ANKRD11: variants seen among roughly 807,000 people sequenced by gnomAD.
ANKRD11 encodes ankyrin repeat domain 11, also known as ankyrin repeat domain-containing protein 11.
A neutral mutation model predicts 195.7 loss-of-function variants in ANKRD11; 17 were observed. The observed-to-expected ratio is 0.09, with a 90% confidence interval of 0.06 to 0.13. The LOEUF (loss-of-function observed/expected upper bound fraction) is 0.13, where lower values mean the gene tolerates loss of function less well. Ranked by LOEUF, ANKRD11 falls within the 10% of genes least tolerant of loss-of-function variation. ANKRD11 has a pLI of 1.00. For synonymous variants in ANKRD11, 1,953 were observed against 1,528.1 expected (o/e 1.28, Z -6.49); for missense variants, 3,735 against 3,566.1 (o/e 1.05, Z -1.21).
At chr16:89,370,069 C>G (rs1411011418) in intron 2 of ANKRD11, among the ~76,000 whole-genome samples, 2 of 152,224 alleles carry the variant, frequency 1.3e-5, no homozygotes, top group African/African-American at 2.4e-5. Flanking sequence ...CTTCAGAGCT[C>G]TCACTGAGGA....
chr16:89,364,031 T>C (rs1488756817), intron 2 of ANKRD11, among the ~76,000 whole-genome samples: 1 of 151,954 alleles, frequency 6.6e-6, no homozygotes, highest in Non-Finnish European at 1.5e-5. Context: ...TGCCACTGCA[T>C]TCCTGCCCAG....
At chr16:89,352,884 C>T (rs1642011911) in intron 2 of ANKRD11, among the ~76,000 whole-genome samples, 1 of 152,212 alleles carries the variant, frequency 6.6e-6, no homozygotes, top group Admixed American at 6.5e-5. Flanking sequence ...TCTCTCACGG[C>T]TTGTTCTACT....
At chr16:89,333,528 C>G (rs1199315551) in intron 2 of ANKRD11, among the ~76,000 whole-genome samples, 1 of 152,244 alleles carries the variant, frequency 6.6e-6, no homozygotes, top group Non-Finnish European at 1.5e-5. Flanking sequence ...CCCTCCGTCC[C>G]TCCCTCTCCC....
chr16:89,329,177 C>T (rs1324976813), intron 2 of ANKRD11, among the ~76,000 whole-genome samples: 1 of 152,162 alleles, frequency 6.6e-6, no homozygotes, highest in African/African-American at 2.4e-5. Context: ...GGGAAACAGG[C>T]GGGGACTCCG....
chr16:89,397,389 C>T (rs1286042421), intron 2 of ANKRD11, among the ~76,000 whole-genome samples: 1 of 152,248 alleles, frequency 6.6e-6, no homozygotes, highest in Non-Finnish European at 1.5e-5. Flanking sequence ...CTCAAAGAAG[C>T]TGAAGCTTTC....
intron 1 of ANKRD11, among the ~76,000 whole-genome samples, chr16:89,470,274 A>G (rs1247703542): frequency 1.3e-5 from 2 of 152,120 alleles, no homozygotes; most frequent in Non-Finnish European, 2.9e-5. Flanking sequence ...TAACTTACTC[A>G]TGGTCATAGC....
chr16:89,384,879 CTTTTTTTTTTTT>C lies in ANKRD11; in HGVS notation c.-60+33393_-60+33404del, dbSNP rs869271846. Among the ~76,000 whole-genome samples, 121 of 49,944 alleles carry C rather than the reference CTTTTTTTTTTTT, an allele frequency of 2.4e-3. 4 individuals are homozygous for C. Among genetic ancestry groups the C allele is most frequent in the Middle Eastern group, 0.037 (2 of 54 alleles). 32.8% of individuals were successfully genotyped at this position (49,944 alleles called of 152,430 possible). ...GGAGCACACAATGAGAAATAGTTTTCTTTTTTTTTTTTTTTTTTTTTTTTTTTTGAGACTACG... is the reference window on the plus strand; with the variant it reads ...GGAGCACACAATGAGAAATAGTTTTCTTTTTTTTTTTTTTTTGAGACTACG... On this transcript the variant is annotated intron_variant, in intron 2 of 12. Coordinates refer to ENST00000301030, the MANE Select transcript of ANKRD11 (RefSeq NM_013275.6).
chr16:89,333,341 G>C (rs954251073), intron 2 of ANKRD11, among the ~76,000 whole-genome samples: 1 of 152,222 alleles, frequency 6.6e-6, no homozygotes, highest in Admixed American at 6.5e-5. Flanking sequence ...GTGGCCGTTT[G>C]TTACAGCTGA....
rs374592487 is a variant in ANKRD11, at chr16:89,279,834, G to A, written c.6708C>T (p.Asp2236=). The A allele has an allele frequency of 1.9e-6, 3 of 1,547,510 alleles. No homozygotes were observed. Among genetic ancestry groups the A allele is most frequent in the Non-Finnish European group, 2.6e-6 (3 of 1,148,268 alleles). ...VPEERARGDP[D]SSVEPAPVPP... The stretch of plus-strand genomic sequence containing the variant: ...GAACGGGCGCGGGCTCCACGCTGGA[G>A]TCCGGATCCCCACGGGCCCTCTCTT... Residue 2236 remains aspartate, a synonymous_variant, in exon 9 of 13, where the codon GAC becomes GAT. Coordinates refer to ENST00000301030, the MANE Select transcript of ANKRD11 (RefSeq NM_013275.6). This position sits in a 1 kb window ranked among gnomAD's most constrained non-coding sequence, Gnocchi z 5.6.
In ANKRD11 at chr16:89,281,778, G is replaced by C. The variant is rs1229540199; in HGVS notation, c.4764C>G (p.Ser1588=). ...LMMTSFERML[S]QKDLEIEERH... ...GCTCCTCGATCTCCAGGTCCTTCTG[G>C]GACAGCATCCTCTCGAAGCTGGTCA... Residue 1588 remains serine, a synonymous_variant, in exon 9 of 13, where the codon TCC becomes TCG. Transcript: ENST00000301030. The surrounding 1 kb of genome is among the most constrained non-coding windows in gnomAD (Gnocchi z 5.5). The C allele has an allele frequency of 3.7e-6, 6 of 1,613,780 alleles. No individual in the cohort carries two copies. The African/African-American group carries it at 8.0e-5, about 22-fold the overall frequency.
At chr16:89,479,439 C>T (rs767339760) in intron 1 of ANKRD11, among the ~76,000 whole-genome samples, 37 of 149,906 alleles carry the variant, frequency 2.5e-4, no homozygotes, top group Non-Finnish European at 4.0e-4. Context: ...TTGAGACCAG[C>T]CTGACCAACA....
chr16:89,418,300 A>T lies in ANKRD11; in HGVS notation c.-76T>A. 6.6e-6 allele frequency: 3 copies of T among 454,126 alleles called. No homozygotes were observed. Among genetic ancestry groups the T allele is most frequent in the South Asian group, 4.7e-5 (3 of 64,478 alleles). The allele number at this position is 454,126 out of a possible 1,614,324, so 28.1% of individuals were successfully genotyped here. ...AGTATTTACCGATTCCATAGCTGAA[A>T]GTCAGTGCTGACGAGGACTGTCTTT... is the stretch of plus-strand genomic sequence containing the variant. On this transcript the variant is annotated 5_prime_UTR_variant, in exon 2 of 13. Transcript: ENST00000301030.
In ANKRD11 at chr16:89,363,924, T is replaced by A. The variant is rs184178098; in HGVS notation, c.-59-46846A>T. 8.5e-5 allele frequency among the ~76,000 whole-genome samples: 13 copies of A among 152,190 alleles called. No individual in the cohort carries two copies. In the East Asian group the frequency reaches 2.5e-3, roughly 29 times the overall value. The stretch of plus-strand genomic sequence containing the variant: ...GAAAAAAAAAATTACCCAGGTATGA[T>A]GGCATACATGCCTGCAGTCCCAGCA... On this transcript the variant is annotated intron_variant, in intron 2 of 12. Coordinates refer to ENST00000301030, the MANE Select transcript of ANKRD11 (RefSeq NM_013275.6).
At chr16:89,485,677 A>G (rs2057589734) in intron 1 of ANKRD11, among the ~76,000 whole-genome samples, 6 of 152,212 alleles carry the variant, frequency 3.9e-5, no homozygotes. Context: ...TGCCAATTAC[A>G]TAACAGTTTC....
intron 1 of ANKRD11, among the ~76,000 whole-genome samples, chr16:89,442,595 G>GT (rs2043566008): frequency 6.6e-6 from 1 of 152,150 alleles, no homozygotes; most frequent in Non-Finnish European, 1.5e-5. Context: ...TTCAGGAACG[G>GT]TTTTACGCAT....
intron 1 of ANKRD11, among the ~76,000 whole-genome samples, chr16:89,449,346 C>G (rs1188077855): frequency 6.6e-6 from 1 of 151,938 alleles, no homozygotes; most frequent in African/African-American, 2.4e-5. Flanking sequence ...TCCTGGGTGA[C>G]AGAATGAGAC....
chr16:89,397,078 T>C (rs760387732), intron 2 of ANKRD11, among the ~76,000 whole-genome samples: 1 of 152,160 alleles, frequency 6.6e-6, no homozygotes, highest in African/African-American at 2.4e-5. Flanking sequence ...ATTATTCCTG[T>C]TGTTAATTGG....
At position 89,285,263 on chromosome 16, in the gene ANKRD11, T is replaced by G. The variant is rs1397568627; in HGVS notation, c.1279A>C (p.Arg427=). Reference sequence around the variant, plus strand: ...GGCAATATCGTATGTGCCGAGAGTCTCAGCTTCTCTCCTGTCCCCACGGTG... The same window carrying G: ...GGCAATATCGTATGTGCCGAGAGTCGCAGCTTCTCTCCTGTCCCCACGGTG... ...SVTVGTGEKL[R]LSAHTILPGS... The change falls in exon 9 of 13, where the codon AGA becomes CGA. Residue 427 remains arginine (R), a synonymous_variant. Coordinates refer to ENST00000301030, the MANE Select transcript of ANKRD11 (RefSeq NM_013275.6). The surrounding 1 kb of genome is among the most constrained non-coding windows in gnomAD (Gnocchi z 5.6). The G allele has an allele frequency of 1.2e-6, 2 of 1,613,904 alleles. No individual in the cohort carries two copies. The highest frequency in any genetic ancestry group is 1.1e-5 in the South Asian group (1 of 91,076).
At chr16:89,356,726 A>G (rs1038549788) in intron 2 of ANKRD11, among the ~76,000 whole-genome samples, 11 of 147,258 alleles carry the variant, frequency 7.5e-5, no homozygotes, top group Admixed American at 6.8e-4. Flanking sequence ...GCTTGCAGTG[A>G]GCCAAGATCG....
Sources: gnomAD v4.1 joint callset for allele counts (sites outside exome capture counted in the v4.1 genomes callset) on GRCh38, gnomAD v4.1.1 for gene constraint, Gnocchi (gnomAD v3.1) non-coding constraint, MANE v1.5 for transcripts, NCBI Gene and HGNC (gene_info 2026-07-23, HGNC 2026-07-21) for gene names.